Variants in NPAS3 observed in about 807,000 individuals in gnomAD.
NPAS3 encodes neuronal PAS domain-containing protein 3.
NPAS3 carries 14 observed loss-of-function variants against 73.1 expected under a neutral mutation model. The observed-to-expected ratio is 0.19, with a 90% CI of 0.13 to 0.30. The LOEUF is 0.30. Among genes scored for constraint, NPAS3 ranks in the 10% least tolerant of loss-of-function variants. The pLI is 1.00. For synonymous variants in NPAS3, 620 were observed against 541.5 expected, an observed-to-expected ratio of 1.14 and a Z score of -2.01; for missense variants, 1,096 against 1,250.0, an observed-to-expected ratio of 0.88 and a Z score of 1.86.
intron 5 of NPAS3, among the ~76,000 whole-genome samples, chr14:33,621,217 A>G (rs1679942990): frequency 6.6e-6 from 1 of 152,230 alleles, no homozygotes; most frequent in South Asian, 2.1e-4. Context: ...ACCTTGAAAC[A>G]TACTTTATGA....
chr14:33,500,903 G>A (rs1051312836), intron 4 of NPAS3, among the ~76,000 whole-genome samples: 12 of 151,922 alleles, frequency 7.9e-5, no homozygotes, highest in African/African-American at 2.4e-4. Context: ...TTGGCCCAAA[G>A]AATATTCAAC....
At chr14:33,602,502 C>T (rs1009248763) in intron 5 of NPAS3, among the ~76,000 whole-genome samples, 37 of 152,210 alleles carry the variant, frequency 2.4e-4, no homozygotes, top group African/African-American at 8.9e-4. Flanking sequence ...TTTACTCAGT[C>T]CCTCATGGTG....
intron 6 of NPAS3, among the ~76,000 whole-genome samples, chr14:33,718,148 T>C (rs1023248667): frequency 6.6e-6 from 1 of 152,172 alleles, no homozygotes; most frequent in Non-Finnish European, 1.5e-5. Flanking sequence ...GTTATAAGAA[T>C]AGCGTTCCTG....
intron 4 of NPAS3, among the ~76,000 whole-genome samples, chr14:33,390,979 G>T (rs1367695679): frequency 3.3e-5 from 5 of 151,994 alleles, no homozygotes; most frequent in African/African-American, 1.2e-4. Context: ...TTACAAATGT[G>T]TACCTTGGAA....
At chr14:33,701,964 T>C (rs548589347) in intron 6 of NPAS3, among the ~76,000 whole-genome samples, 2 of 152,298 alleles carry the variant, frequency 1.3e-5, no homozygotes, top group South Asian at 4.1e-4. Flanking sequence ...GAACCAACTA[T>C]ATAGGAAGCA....
At chr14:33,268,250 A>G (rs1274052709) in intron 3 of NPAS3, among the ~76,000 whole-genome samples, 1 of 152,036 alleles carries the variant, frequency 6.6e-6, no homozygotes, top group East Asian at 1.9e-4. Context: ...TGCTCTTGTT[A>G]CTGGCTGCTT....
chr14:33,096,620 C>T (rs1042043867), intron 2 of NPAS3, among the ~76,000 whole-genome samples: 5 of 152,140 alleles, frequency 3.3e-5, no homozygotes, highest in Non-Finnish European at 7.4e-5. Flanking sequence ...TAAAATTGAA[C>T]TAAATAGGCA....
intron 4 of NPAS3, among the ~76,000 whole-genome samples, chr14:33,480,762 G>A (rs537891295): frequency 3.9e-4 from 59 of 151,924 alleles, no homozygotes; most frequent in Non-Finnish European, 6.9e-4. Context: ...TGGCAGTGAG[G>A]CCCAACACAT....
chr14:33,484,663 T>C (rs1406587102), intron 4 of NPAS3, among the ~76,000 whole-genome samples: 1 of 152,188 alleles, frequency 6.6e-6, no homozygotes, highest in African/African-American at 2.4e-5. Flanking sequence ...AAGTATCCCC[T>C]GAGTTAAAAT....
chr14:33,631,821 T>C (rs2058384891), intron 5 of NPAS3, among the ~76,000 whole-genome samples: 1 of 152,210 alleles, frequency 6.6e-6, no homozygotes, highest in African/African-American at 2.4e-5. Flanking sequence ...TGTGTTTGTA[T>C]TTGATGGTCG....
At chr14:33,464,736 T>C (rs376028260) in intron 4 of NPAS3, among the ~76,000 whole-genome samples, 1 of 152,218 alleles carries the variant, frequency 6.6e-6, no homozygotes, top group East Asian at 1.9e-4. Flanking sequence ...TTTATGGTCA[T>C]AGGCTCTGTT....
At chr14:33,608,814 G>C (rs2057660052) in intron 5 of NPAS3, among the ~76,000 whole-genome samples, 1 of 152,300 alleles carries the variant, frequency 6.6e-6, no homozygotes, top group East Asian at 1.9e-4. Flanking sequence ...CCTATTGAAA[G>C]GATGATGATT....
At chr14:33,501,085 C>A (rs2052491414) in intron 4 of NPAS3, among the ~76,000 whole-genome samples, 1 of 151,920 alleles carries the variant, frequency 6.6e-6, no homozygotes, top group Non-Finnish European at 1.5e-5. Flanking sequence ...ATGTTAGCTA[C>A]CAGAAGTCAT....
chr14:33,696,105 A>G (rs1275783857), intron 6 of NPAS3, among the ~76,000 whole-genome samples: 1 of 152,176 alleles, frequency 6.6e-6, no homozygotes, highest in African/African-American at 2.4e-5. Context: ...ATAACTATTC[A>G]TCTTCCTCCA....
chr14:33,728,976 T>A (rs950707314), intron 6 of NPAS3, among the ~76,000 whole-genome samples: 1 of 152,158 alleles, frequency 6.6e-6, no homozygotes, highest in Non-Finnish European at 1.5e-5. Flanking sequence ...GAAGAAAGTA[T>A]CTGAATGTCA....
At chr14:33,426,014 T>C (rs1385134478) in intron 4 of NPAS3, among the ~76,000 whole-genome samples, 1 of 152,218 alleles carries the variant, frequency 6.6e-6, no homozygotes, top group East Asian at 1.9e-4. Flanking sequence ...CAGGTCATCT[T>C]CTGGTGCTAG....
At chr14:33,539,773 A>G (rs1305775548) in intron 4 of NPAS3, among the ~76,000 whole-genome samples, 2 of 152,114 alleles carry the variant, frequency 1.3e-5, no homozygotes. Flanking sequence ...GCTTTCAATA[A>G]TTTTATTCTA....
At position 33,246,551 on chromosome 14, in the gene NPAS3, AAAAAAAG is replaced by A. The variant is rs1418873156; in HGVS notation, c.385+31128_385+31134del. ...AGACTTCATCTCAAAAAAAAAAAAAAAAAAAAGAAGAACTAAGTGCTCACTTGTTCCT... is the reference window on the plus strand; with the variant it reads ...AGACTTCATCTCAAAAAAAAAAAAAAAAGAACTAAGTGCTCACTTGTTCCT... On this transcript the variant is annotated intron_variant, in intron 3 of 11. Transcript: ENST00000356141. Among the ~76,000 whole-genome samples, 315 of 151,138 alleles carry A rather than the reference AAAAAAAG, an allele frequency of 2.1e-3. 2 individuals are homozygous for A. Among genetic ancestry groups the A allele is most frequent in the African/African-American group, 7.3e-3 (301 of 41,210 alleles).
intron 2 of NPAS3, among the ~76,000 whole-genome samples, chr14:33,099,153 C>T (rs565390033): frequency 7.9e-5 from 12 of 152,190 alleles, no homozygotes; most frequent in Non-Finnish European, 1.6e-4. Flanking sequence ...ACAATCCACT[C>T]ATTTCTGAGC....
Sources: gnomAD v4.1 joint callset for allele counts (sites outside exome capture counted in the v4.1 genomes callset) on GRCh38, gnomAD v4.1.1 for gene constraint, MANE v1.5 for transcripts, NCBI Gene and HGNC (gene_info 2026-07-23, HGNC 2026-07-21) for gene names.